CYP11B1: variants seen among roughly 807,000 people sequenced by gnomAD.
The protein encoded by CYP11B1 is cytochrome P450 family 11 subfamily B member 1, also known as cytochrome P450 11B1, mitochondrial.
A neutral mutation model predicts 48.3 loss-of-function variants in CYP11B1; 34 were observed. The ratio of observed to expected loss-of-function variants is 0.70; its 90% CI spans 0.54 to 0.94. CYP11B1 has a LOEUF of 0.94. Among genes scored for constraint, CYP11B1 ranks in the 40% least tolerant of loss-of-function variants. The probability of loss-of-function intolerance (pLI) is 0.00; values close to 1 mark genes in which losing one functional copy is unlikely to be tolerated. For synonymous variants in CYP11B1, 291 were observed against 262.5 expected (o/e 1.11, Z -1.05); for missense variants, 688 against 657.4 (o/e 1.05, Z -0.51).
In CYP11B1 at chr8:142,879,780, C is replaced by A; in HGVS notation, c.34G>T (p.Ala12Ser). The change falls in exon 1 of 9, where the codon GCA becomes TCA. Residue 12 changes from alanine to serine, a missense_variant. Transcript: ENST00000292427. ...ALRAKAEVCM[A>S]VPWLSLQRAQ... is the part of the protein sequence containing the mutation. ...CTTTGCAGGGACAGCCAGGGCACTGCCATGCACACCTCTGCCTTTGCCCTG... is the reference window on the plus strand; with the variant it reads ...CTTTGCAGGGACAGCCAGGGCACTGACATGCACACCTCTGCCTTTGCCCTG... 6.2e-7 allele frequency: 1 copy of A among 1,614,134 alleles called. No homozygotes were observed. The highest frequency in any genetic ancestry group is 2.2e-5 in the East Asian group (1 of 44,888).
chr8:142,877,962 A>G (rs1817012748), intron 2 of CYP11B1: 3 of 706,656 alleles, frequency 4.2e-6, no homozygotes, highest in Non-Finnish European at 7.1e-6. Context: ...GAAGAGACAC[A>G]TGTACACATG....
Position 142,878,906 on chromosome 8 carries a change from C to G in CYP11B1, c.395+126G>C, listed in dbSNP as rs1817051242. ...CCCACGGAATGGCCGTCCTCTGGGT[C>G]GGGTGCTCACCCTCACTGCCCACCA... On this transcript the variant is annotated intron_variant, in intron 2 of 8. Coordinates refer to ENST00000292427, the MANE Select transcript of CYP11B1 (RefSeq NM_000497.4). 7.1e-6 allele frequency: 10 copies of G among 1,408,190 alleles called. No individual in the cohort carries two copies. The East Asian group carries it at 2.5e-4, about 35-fold the overall frequency. 87.2% of individuals were successfully genotyped at this position (1,408,190 alleles called of 1,614,324 possible). A position where few individuals can be genotyped will look rare whatever the true frequency, so the allele number is the denominator to read the frequency against.
intron 8 of CYP11B1, 117 bp downstream of exon 8, chr8:142,874,840 C>T: frequency 1.5e-6 from 2 of 1,306,038 alleles, no homozygotes; most frequent in Non-Finnish European, 2.1e-6. Flanking sequence ...CGGCTCTGCC[C>T]AGTCCAGGAA....
Position 142,874,463 on chromosome 8 carries a change from C to A in CYP11B1, c.1422G>T (p.Glu474Asp), listed in dbSNP as rs759622336. The A allele has an allele frequency of 6.2e-7, 1 of 1,613,904 alleles. No homozygotes were observed. Among genetic ancestry groups the A allele is most frequent in the Non-Finnish European group, 8.5e-7 (1 of 1,179,786 alleles). ...TCTTTATGTCCTCTTGGGTTAGTGT[C>A]TCCACCTGGAGGTGTTTCAGCACCT... is the stretch of plus-strand genomic sequence containing the variant. Reference protein sequence around the residue: ...LHHVLKHLQVETLTQEDIKMV... With the variant: ...LHHVLKHLQVDTLTQEDIKMV... The change falls in exon 9 of 9, where the codon GAG (glutamate) becomes GAT (aspartate). Residue 474 changes from glutamate (E) to aspartate (D), a missense_variant. Transcript: ENST00000292427.
rs778663484 is a variant in CYP11B1 at position 142,875,149 on chromosome 8, C to T, written c.1206G>A (p.Leu402=). 3 of 1,614,246 alleles carry T rather than the reference C, an allele frequency of 1.9e-6. No homozygotes were observed. In the South Asian group the frequency reaches 3.3e-5, roughly 18 times the overall value. ...CCAGAGAGTAGAGGAACACGCGCAC[C>T]AATGTCTGCGGACGGTGCAGAGCGG... is the stretch of plus-strand genomic sequence containing the variant. ...LQNYHIPAGT[L]VRVFLYSLGR... Residue 402 remains leucine, a synonymous_variant, in exon 8 of 9, where the codon TTG becomes TTA. Transcript: ENST00000292427.
In CYP11B1 at chr8:142,875,833, G is replaced by C. The variant is rs1167326700; in HGVS notation, c.1000C>G (p.Pro334Ala). ...TGGCGCAGGGCCTGCTGCACGTTGG[G>C]GTTCCGAGCCAGCTCAAAGAGCGTC... ...LMTLFELARN[P>A]NVQQALRQES... The change falls in exon 6 of 9, where the codon CCC (proline) becomes GCC (alanine). Residue 334 changes from proline to alanine, a missense_variant. Coordinates refer to ENST00000292427, the MANE Select transcript of CYP11B1 (RefSeq NM_000497.4). 1.9e-6 allele frequency: 3 copies of C among 1,614,114 alleles called. No homozygotes were observed. The highest frequency in any genetic ancestry group is 3.3e-5 in the Admixed American group (2 of 60,024).
At chr8:142,877,728 C>T in intron 2 of CYP11B1, 1 of 1,592,404 alleles carries the variant, frequency 6.3e-7, no homozygotes, top group Non-Finnish European at 8.5e-7. Context: ...AGGACAGAAA[C>T]CAAGCTTTGT....
At position 142,875,047 on chromosome 8, in the gene CYP11B1, C is replaced by T. The variant is rs775455382; in HGVS notation, c.1308G>A (p.Arg436=). 1.9e-6 allele frequency: 3 copies of T among 1,614,152 alleles called. No individual in the cohort carries two copies. The highest frequency in any genetic ancestry group is 2.7e-5 in the African/African-American group (2 of 74,952). Residue 436 remains arginine, a synonymous_variant, in exon 8 of 9, where the codon AGG becomes AGA. Transcript: ENST00000292427. ...AGCCAAAGGGCACGTGGTAGAAGTT[C>T]CTGCCGGAGCCCCTGATGTCTAGCC... ...QRWLDIRGSG[R]NFYHVPFGFG...
At chr8:142,878,475 C>A (rs1181879139) in intron 2 of CYP11B1, among the ~76,000 whole-genome samples, 1 of 152,242 alleles carries the variant, frequency 6.6e-6, no homozygotes, top group East Asian at 1.9e-4. Flanking sequence ...AACATCCTCC[C>A]CAGTGCCATC....
chr8:142,878,068 A>G (rs1817016958), intron 2 of CYP11B1, among the ~76,000 whole-genome samples: 1 of 117,998 alleles, frequency 8.5e-6, no homozygotes. Flanking sequence ...ACACATGTGC[A>G]CACACGCATG....
intron 2 of CYP11B1, among the ~76,000 whole-genome samples, chr8:142,878,628 G>C (rs541745561): frequency 1.3e-5 from 2 of 152,190 alleles, no homozygotes; most frequent in African/African-American, 4.8e-5. Flanking sequence ...GGGAGGCTGC[G>C]GCCCCGGCGA....
Position 142,877,749 on chromosome 8 carries a change from A to C in CYP11B1, c.396-527T>G, listed in dbSNP as rs374195902. 4.5e-4 allele frequency: 721 copies of C among 1,597,490 alleles called. 4 individuals are homozygous for C. In the African/African-American group the frequency reaches 8.8e-3, roughly 19 times the overall value. Reference sequence around the variant, plus strand: ...GAAACCAAGCTTTGTGCTTCATGCCATCCTCACCTACAGCCAGAGTGCGTG... The same window carrying C: ...GAAACCAAGCTTTGTGCTTCATGCCCTCCTCACCTACAGCCAGAGTGCGTG... On this transcript the variant is annotated intron_variant, in intron 2 of 8. Transcript: ENST00000292427.
chr8:142,878,189 C>T (rs1170333187), intron 2 of CYP11B1, among the ~76,000 whole-genome samples: 1 of 152,192 alleles, frequency 6.6e-6, no homozygotes, highest in East Asian at 1.9e-4. Flanking sequence ...GTGCACCCAG[C>T]CTTCTGGACT....
chr8:142,874,935 T>C (rs368496071), intron 8 of CYP11B1, 22 bp downstream of exon 8: 1 of 1,611,294 alleles, frequency 6.2e-7, no homozygotes, highest in African/African-American at 1.3e-5. Context: ...CCCAGGCCCC[T>C]CCCCAGCCCG....
Position 142,873,422 on chromosome 8 carries a change from C to A in CYP11B1, c.*951G>T, listed in dbSNP as rs1467719791. The A allele has an allele frequency of 6.6e-6, 1 of 152,242 alleles. No individual in the cohort carries two copies. The highest frequency in any genetic ancestry group is 1.5e-5 in the Non-Finnish European group (1 of 68,082). 9.4% of individuals were successfully genotyped at this position (152,242 alleles called of 1,614,324 possible). ...TGCTGGGCTAGGAGCAGATGAGGCC[C>A]AAGGCAGGTTCACGCAGGAAACTGC... is the stretch of plus-strand genomic sequence containing the variant. On this transcript the variant is annotated 3_prime_UTR_variant, in exon 9 of 9. Transcript: ENST00000292427.
rs6387 is a variant in CYP11B1, at chr8:142,877,011, C to T, written c.595+12G>A. 0.55 allele frequency: 880,930 copies of T among 1,612,492 alleles called. 244,449 individuals are homozygous for T. Among genetic ancestry groups the T allele is most frequent in the East Asian group, 0.77 (34,504 of 44,792 alleles). Reference sequence around the variant, plus strand: ...GGGTCTCTGAGGCTGGATCTTCCCACGTGGCCCACACCTTCTATGGTGTAG... The same window carrying T: ...GGGTCTCTGAGGCTGGATCTTCCCATGTGGCCCACACCTTCTATGGTGTAG... On this transcript the variant is annotated intron_variant, in intron 3 of 8. Coordinates refer to ENST00000292427, the MANE Select transcript of CYP11B1 (RefSeq NM_000497.4).
At chr8:142,876,948 C>A in intron 3 of CYP11B1, 63 bp from the exon 4 acceptor site, 1 of 1,612,880 alleles carries the variant, frequency 6.2e-7, no homozygotes, top group African/African-American at 1.3e-5. Flanking sequence ...CCTCCCCACA[C>A]TCCCTTCAGT....
chr8:142,877,200 T>C lies in CYP11B1; in HGVS notation c.418A>G (p.Asn140Asp). 1 of 1,613,872 alleles carries C rather than the reference T, an allele frequency of 6.2e-7. No individual in the cohort carries two copies. The highest frequency in any genetic ancestry group is 1.1e-5 in the South Asian group (1 of 90,960). Reference sequence around the variant, plus strand: ...ACTTCTGGATTCAGCCGCAATCGGTTGAAGCGCCATTCAGGCCCATTCCTA... The same window carrying C: ...ACTTCTGGATTCAGCCGCAATCGGTCGAAGCGCCATTCAGGCCCATTCCTA... ...FLLNGPEWRF[N>D]RLRLNPEVLS... The change falls in exon 3 of 9, where the codon AAC (asparagine) becomes GAC (aspartate). Residue 140 changes from asparagine (N) to aspartate (D), a missense_variant. Coordinates refer to ENST00000292427, the MANE Select transcript of CYP11B1 (RefSeq NM_000497.4).
chr8:142,874,107 G>T lies in CYP11B1; in HGVS notation c.*266C>A. The T allele has an allele frequency of 1.9e-6, 1 of 534,574 alleles. No homozygotes were observed. The highest frequency in any genetic ancestry group is 3.3e-5 in the East Asian group (1 of 29,948). The allele number at this position is 534,574 out of a possible 1,614,324, so 33.1% of individuals were successfully genotyped here. A position where few individuals can be genotyped will look rare whatever the true frequency, so the allele number is the denominator to read the frequency against. ...GCACTGGGAGGGATGGGGGCAAACTGCCCAGAGGACAGTGCTTGCTGGAGA... is the reference window on the plus strand; with the variant it reads ...GCACTGGGAGGGATGGGGGCAAACTTCCCAGAGGACAGTGCTTGCTGGAGA... On this transcript the variant is annotated 3_prime_UTR_variant, in exon 9 of 9. Transcript: ENST00000292427.
Sources: gnomAD v4.1 joint callset for allele counts (sites outside exome capture counted in the v4.1 genomes callset) on GRCh38, gnomAD v4.1.1 for gene constraint, MANE v1.5 for transcripts, NCBI Gene and HGNC (gene_info 2026-07-23, HGNC 2026-07-21) for gene names.